ANO10: variants seen among roughly 807,000 people sequenced by gnomAD.
The protein encoded by ANO10 is anoctamin-10.
ANO10 carries 77 observed loss-of-function variants against 74.7 expected under a neutral mutation model. That is an observed-to-expected ratio of 1.03 (90% CI 0.86 to 1.25). ANO10 has a LOEUF of 1.25. Ranked by LOEUF, ANO10 falls within the 50% of genes most tolerant of loss-of-function variation. ANO10 has a pLI of 0.00. For synonymous variants in ANO10, 279 were observed against 284.9 expected (o/e 0.98, Z 0.21); for missense variants, 721 against 778.1 (o/e 0.93, Z 0.87).
chr3:43,676,594 G>C (rs1169335081), intron 1 of ANO10, among the ~76,000 whole-genome samples: 5 of 152,210 alleles, frequency 3.3e-5, no homozygotes, highest in Admixed American at 1.3e-4. Context: ...GGCTGTAAAA[G>C]GGCAACAAGA....
At chr3:43,578,749 C>CAAAAAAAAAAAAAAAAAAAAAAA (rs56186109) in intron 5 of ANO10, among the ~76,000 whole-genome samples, 1 of 64,442 alleles carries the variant, frequency 1.6e-5, no homozygotes, top group Non-Finnish European at 3.0e-5. Context: ...GACTCCATCT[C>CAAAAAAAAAAAAAAAAAAAAAAA]AAAAAAAAAA....
At chr3:43,638,732 A>C (rs977563715) in intron 1 of ANO10, 2 of 152,284 alleles carry the variant, frequency 1.3e-5, no homozygotes, top group Non-Finnish European at 2.9e-5. Context: ...CCACAGCGCC[A>C]TCAAGTGAAG....
intron 11 of ANO10, among the ~76,000 whole-genome samples, chr3:43,538,163 T>C (rs764630380): frequency 1.3e-5 from 2 of 152,142 alleles, no homozygotes; most frequent in Admixed American, 6.5e-5. Context: ...AAAAAACAGC[T>C]AAGTGTTTCT....
chr3:43,555,801 AG>A (rs573839664), intron 9 of ANO10, among the ~76,000 whole-genome samples: 126 of 152,338 alleles, frequency 8.3e-4, no homozygotes, highest in African/African-American at 2.8e-3. Flanking sequence ...TATTAGTGTA[AG>A]TCAGAGTCCA....
chr3:43,592,304 G>A (rs1172967693), intron 4 of ANO10, among the ~76,000 whole-genome samples: 1 of 152,196 alleles, frequency 6.6e-6, no homozygotes, highest in Non-Finnish European at 1.5e-5. Flanking sequence ...GCCTCCTCAA[G>A]TGGGTCCCTG....
chr3:43,475,201 T>C (rs1407726528), intron 11 of ANO10, among the ~76,000 whole-genome samples: 1 of 152,214 alleles, frequency 6.6e-6, no homozygotes, highest in Non-Finnish European at 1.5e-5. Context: ...TATACCATTA[T>C]AAGGATGGGT....
At chr3:43,383,532 T>C (rs1305460687) in intron 12 of ANO10, among the ~76,000 whole-genome samples, 1 of 150,430 alleles carries the variant, frequency 6.6e-6, no homozygotes, top group African/African-American at 2.4e-5. Flanking sequence ...TGGTTTAACA[T>C]CTGCAAGTCA....
intron 12 of ANO10, among the ~76,000 whole-genome samples, chr3:43,370,947 G>A (rs2091588320): frequency 6.6e-6 from 1 of 152,130 alleles, no homozygotes; most frequent in Admixed American, 6.5e-5. Flanking sequence ...AATGGCCATG[G>A]TGGACTCCAT....
At chr3:43,644,007 T>C (rs2083701349) in intron 1 of ANO10, among the ~76,000 whole-genome samples, 1 of 152,210 alleles carries the variant, frequency 6.6e-6, no homozygotes, top group South Asian at 2.1e-4. Context: ...TCTCCTGGTC[T>C]GTCATTTGTT....
intron 12 of ANO10, among the ~76,000 whole-genome samples, chr3:43,385,966 A>C (rs1429374331): frequency 5.3e-5 from 8 of 152,218 alleles, no homozygotes; most frequent in Non-Finnish European, 8.8e-5. Context: ...AACCAAACAA[A>C]CAAAAATATT....
chr3:43,456,902 T>A (rs978672552), intron 11 of ANO10, among the ~76,000 whole-genome samples: 8 of 152,232 alleles, frequency 5.3e-5, no homozygotes, highest in Admixed American at 1.3e-4. Context: ...TACTTACAAC[T>A]TTCTTGTATT....
chr3:43,506,995 G>A (rs2077319765), intron 11 of ANO10, among the ~76,000 whole-genome samples: 1 of 152,228 alleles, frequency 6.6e-6, no homozygotes, highest in South Asian at 2.1e-4. Context: ...TCCTCACTGC[G>A]AAGAAAAGTG....
chr3:43,567,190 A>G (rs908389203), intron 7 of ANO10, among the ~76,000 whole-genome samples: 15 of 152,212 alleles, frequency 9.9e-5, no homozygotes, highest in Non-Finnish European at 1.3e-4. Flanking sequence ...ATGTGAAAAG[A>G]CCAAATCTAC....
intron 12 of ANO10, among the ~76,000 whole-genome samples, chr3:43,371,982 T>C (rs985617864): frequency 6.6e-6 from 1 of 152,144 alleles, no homozygotes; most frequent in Non-Finnish European, 1.5e-5. Context: ...ACGACAGCAG[T>C]GAGTAGAGGG....
chr3:43,527,572 A>C (rs1217322827), intron 11 of ANO10, among the ~76,000 whole-genome samples: 1 of 152,312 alleles, frequency 6.6e-6, no homozygotes, highest in South Asian at 2.1e-4. Context: ...ATCAATAGGA[A>C]GAGAAGACAA....
rs2083415182 is a variant in ANO10, at chr3:43,621,891, G to A, written c.-12+18C>T. The A allele has an allele frequency of 6.6e-6, 1 of 152,514 alleles. No individual in the cohort carries two copies. Among genetic ancestry groups the A allele is most frequent in the Non-Finnish European group, 1.5e-5 (1 of 68,192 alleles). The allele number at this position is 152,514 out of a possible 1,614,324, so 9.4% of individuals were successfully genotyped here. A position where few individuals can be genotyped will look rare whatever the true frequency, so the allele number is the denominator to read the frequency against. On this transcript the variant is annotated intron_variant, in intron 1 of 12. Coordinates refer to ENST00000292246, the MANE Select transcript of ANO10 (RefSeq NM_018075.5). ...GCTGCGGACAGCTGGGGGGTCCGAGGTGCCCTCCCCGACTCACCAGCCGCC... is the reference window on the plus strand; with the variant it reads ...GCTGCGGACAGCTGGGGGGTCCGAGATGCCCTCCCCGACTCACCAGCCGCC...
chr3:43,639,776 G>GAA (rs542866790), intron 1 of ANO10, among the ~76,000 whole-genome samples: 16 of 106,078 alleles, frequency 1.5e-4, no homozygotes, highest in African/African-American at 5.2e-4. Context: ...CTCCATCTCA[G>GAA]AAAAAAAAAA....
chr3:43,590,395 A>G (rs2081676921), intron 4 of ANO10, among the ~76,000 whole-genome samples: 1 of 152,230 alleles, frequency 6.6e-6, no homozygotes, highest in East Asian at 1.9e-4. Context: ...AACACAAAAG[A>G]GTAAGTTAGG....
At chr3:43,502,928 G>A (rs2077152333) in intron 11 of ANO10, among the ~76,000 whole-genome samples, 1 of 152,176 alleles carries the variant, frequency 6.6e-6, no homozygotes, top group South Asian at 2.1e-4. Context: ...GGAGCTAGGT[G>A]GAGGGGATAA....
Sources: gnomAD v4.1 joint callset for allele counts (sites outside exome capture counted in the v4.1 genomes callset) on GRCh38, gnomAD v4.1.1 for gene constraint, MANE v1.5 for transcripts, NCBI Gene and HGNC (gene_info 2026-07-23, HGNC 2026-07-21) for gene names.